Variants in ARHGAP25 observed in about 807,000 individuals in gnomAD.
ARHGAP25 encodes rho GTPase-activating protein 25.
A neutral mutation model predicts 71.0 loss-of-function variants in ARHGAP25; 34 were observed. That is an observed-to-expected ratio of 0.48 (90% CI 0.36 to 0.64). The LOEUF (loss-of-function observed/expected upper bound fraction) is 0.64. Ranked by LOEUF, ARHGAP25 falls within the 30% of genes least tolerant of loss-of-function variation. ARHGAP25 has a pLI of 0.00. For synonymous variants in ARHGAP25, 282 were observed against 296.5 expected (o/e 0.95, Z 0.50); for missense variants, 706 against 805.1 (o/e 0.88, Z 1.49).
chr2:68,819,040 G>C (rs1043459019), intron 8 of ARHGAP25, 83 bp from the exon 9 acceptor site: 9 of 1,260,986 alleles, frequency 7.1e-6, no homozygotes, highest in Middle Eastern at 2.0e-4. Flanking sequence ...ACCGAGTTTG[G>C]AGACATCCAC....
chr2:68,772,446 G>T (rs1204112051), intron 1 of ARHGAP25, among the ~76,000 whole-genome samples: 1 of 152,240 alleles, frequency 6.6e-6, no homozygotes, highest in East Asian at 1.9e-4. Context: ...CAGTTGGATG[G>T]TCACAAAAGC....
At chr2:68,770,584 C>T (rs1677427563) in intron 1 of ARHGAP25, among the ~76,000 whole-genome samples, 1 of 152,186 alleles carries the variant, frequency 6.6e-6, no homozygotes. Context: ...TTTAATTTTC[C>T]TTTGCCCCAT....
chr2:68,739,945 T>C (rs1324390537), intron 1 of ARHGAP25, among the ~76,000 whole-genome samples: 1 of 152,242 alleles, frequency 6.6e-6, no homozygotes, highest in Admixed American at 6.5e-5. Flanking sequence ...CTGGCAGACC[T>C]AGAATATAAC....
chr2:68,750,750 C>T (rs1676120527), intron 1 of ARHGAP25, among the ~76,000 whole-genome samples: 1 of 152,210 alleles, frequency 6.6e-6, no homozygotes, highest in Non-Finnish European at 1.5e-5. Context: ...GCAGACCGGA[C>T]TGTCTGTGAT....
intron 2 of ARHGAP25, among the ~76,000 whole-genome samples, chr2:68,779,192 G>T (rs575458901): frequency 2.6e-5 from 4 of 152,280 alleles, no homozygotes; most frequent in African/African-American, 7.2e-5. Context: ...TCTGATGGGA[G>T]AGCCGATTGA....
At chr2:68,812,024 T>G (rs1256850064) in intron 5 of ARHGAP25, among the ~76,000 whole-genome samples, 3 of 152,216 alleles carry the variant, frequency 2.0e-5, no homozygotes, top group Non-Finnish European at 4.4e-5. Context: ...AATCTTATTT[T>G]CCCTTGTAGT....
intron 3 of ARHGAP25, among the ~76,000 whole-genome samples, chr2:68,784,399 G>T (rs559136333): frequency 4.6e-5 from 7 of 152,028 alleles, no homozygotes; most frequent in Non-Finnish European, 4.4e-5. Flanking sequence ...GCTAATGCTG[G>T]TGTAAGAAAT....
chr2:68,809,795 A>G (rs1680645466), intron 5 of ARHGAP25, among the ~76,000 whole-genome samples: 1 of 152,160 alleles, frequency 6.6e-6, no homozygotes, highest in East Asian at 1.9e-4. Context: ...TTCCACCCCA[A>G]GATGCCCCCA....
chr2:68,745,593 C>T (rs892504381), intron 1 of ARHGAP25, among the ~76,000 whole-genome samples: 1 of 152,158 alleles, frequency 6.6e-6, no homozygotes, highest in East Asian at 1.9e-4. Flanking sequence ...AGCTGAACAT[C>T]GCTGGAGAAG....
chr2:68,719,005 A>G (rs890399002), intron 2 of ARHGAP25, among the ~76,000 whole-genome samples: 2 of 152,066 alleles, frequency 1.3e-5, no homozygotes, highest in South Asian at 2.1e-4. Flanking sequence ...TCCCTCAAGT[A>G]TGGGTTTTGG....
intron 2 of ARHGAP25, among the ~76,000 whole-genome samples, chr2:68,776,667 A>T (rs948362734): frequency 6.6e-6 from 1 of 152,158 alleles, no homozygotes; most frequent in East Asian, 1.9e-4. Context: ...CTGAACAATT[A>T]CGCCAGGACC....
intron 4 of ARHGAP25, among the ~76,000 whole-genome samples, chr2:68,798,936 G>T (rs1329849929): frequency 1.3e-5 from 2 of 152,072 alleles, no homozygotes; most frequent in African/African-American, 2.4e-5. Flanking sequence ...CAAGGAAAAA[G>T]GTGAAAAAAA....
chr2:68,712,712 C>T (rs1173846362), intron 2 of ARHGAP25, among the ~76,000 whole-genome samples: 1 of 152,178 alleles, frequency 6.6e-6, no homozygotes, highest in Non-Finnish European at 1.5e-5. Context: ...GGTCCAGTTT[C>T]AGGTTTCTGC....
At chr2:68,825,000 G>A (rs1682008941) in intron 10 of ARHGAP25, among the ~76,000 whole-genome samples, 1 of 152,212 alleles carries the variant, frequency 6.6e-6, no homozygotes, top group Admixed American at 6.5e-5. Flanking sequence ...CAATCGGCAT[G>A]TGTACACTCA....
intron 2 of ARHGAP25, among the ~76,000 whole-genome samples, chr2:68,712,815 T>A (rs930623708): frequency 3.3e-5 from 5 of 152,170 alleles, no homozygotes; most frequent in African/African-American, 1.2e-4. Context: ...GATCAGATGG[T>A]TGTAGATGTG....
chr2:68,794,805 A>G (rs1415184685), intron 4 of ARHGAP25, among the ~76,000 whole-genome samples: 1 of 152,046 alleles, frequency 6.6e-6, no homozygotes, highest in Non-Finnish European at 1.5e-5. Flanking sequence ...GTTAGGGAGA[A>G]TTCTCTCCTT....
intron 1 of ARHGAP25, among the ~76,000 whole-genome samples, chr2:68,748,969 T>G (rs1558612314): frequency 6.6e-6 from 1 of 152,048 alleles, no homozygotes; most frequent in Admixed American, 6.6e-5. Context: ...GAATTAAACC[T>G]CAGTTTTGTA....
chr2:68,735,104 G>C lies in ARHGAP25; in HGVS notation c.-96G>C. On this transcript the variant is annotated 5_prime_UTR_variant, in exon 1 of 11. Transcript: ENST00000409202. ...GCAATCATAAGGAGGAACAAAAACA[G>C]ACACAAAAACAGAGGGAAAGAGTGA... 1.8e-6 allele frequency: 2 copies of C among 1,093,234 alleles called. No individual in the cohort carries two copies. The highest frequency in any genetic ancestry group is 2.8e-6 in the Non-Finnish European group (2 of 707,062). The allele number at this position is 1,093,234 out of a possible 1,614,324, so 67.7% of individuals were successfully genotyped here.
In ARHGAP25 at chr2:68,822,326, C is replaced by T. The variant is rs1426652768; in HGVS notation, c.1201-14C>T. 2 of 1,577,146 alleles carry T rather than the reference C, an allele frequency of 1.3e-6. No homozygotes were observed. Among genetic ancestry groups the T allele is most frequent in the Non-Finnish European group, 1.7e-6 (2 of 1,151,068 alleles). On this transcript the variant is annotated splice_polypyrimidine_tract_variant and intron_variant, in intron 9 of 10. Coordinates refer to ENST00000409202, the MANE Select transcript of ARHGAP25 (RefSeq NM_001007231.3). ...GAAAACCCCATGTGACATCCATGGC[C>T]ATTTCTTTTCTAGACAAGCGACTCT... is the stretch of plus-strand genomic sequence containing the variant.
Sources: gnomAD v4.1 joint callset for allele counts (sites outside exome capture counted in the v4.1 genomes callset) on GRCh38, gnomAD v4.1.1 for gene constraint, MANE v1.5 for transcripts, NCBI Gene and HGNC (gene_info 2026-07-23, HGNC 2026-07-21) for gene names.